Variants in DPYD observed in about 807,000 individuals in gnomAD.
DPYD encodes the protein dihydropyrimidine dehydrogenase, also known as dihydropyrimidine dehydrogenase [NADP(+)].
A neutral mutation model predicts 116.2 loss-of-function variants in DPYD; 109 were observed. That is an observed-to-expected ratio of 0.94 (90% CI 0.80 to 1.10). The LOEUF (loss-of-function observed/expected upper bound fraction) is 1.10, where lower values mean the gene tolerates loss of function less well. Ranked by LOEUF, DPYD falls within the 50% of genes least tolerant of loss-of-function variation. The pLI is 0.00. For missense variants in DPYD, 1,302 were observed against 1,254.5 expected (o/e 1.04, Z -0.57); for synonymous variants, 440 against 432.0 (o/e 1.02, Z -0.23).
Position 97,234,921 on chromosome 1 carries a change from C to T in DPYD, c.2373G>A (p.Leu791=). 1 of 1,613,956 alleles carries T rather than the reference C, an allele frequency of 6.2e-7. No homozygotes were observed. Among genetic ancestry groups the T allele is most frequent in the Non-Finnish European group, 8.5e-7 (1 of 1,179,980 alleles). The part of the protein sequence containing the change: ...IARALPGFPI[L]ATGGIDSAES... Reference sequence around the variant, plus strand: ...CAGCAGAGTCAATTCCACCAGTAGCCAAAATGGGAAATCCAGGCAGAGCAC... The same window carrying T: ...CAGCAGAGTCAATTCCACCAGTAGCTAAAATGGGAAATCCAGGCAGAGCAC... Residue 791 remains leucine (L), a synonymous_variant, in exon 19 of 23, where the codon TTG becomes TTA. Coordinates refer to ENST00000370192, the MANE Select transcript of DPYD (RefSeq NM_000110.4).
intron 16 of DPYD, among the ~76,000 whole-genome samples, chr1:97,339,002 A>T (rs548586736): frequency 6.6e-6 from 1 of 152,280 alleles, no homozygotes; most frequent in East Asian, 1.9e-4. Flanking sequence ...ACAATTAGAA[A>T]ATAAAAATAA....
intron 13 of DPYD, among the ~76,000 whole-genome samples, chr1:97,475,891 C>G (rs1251371379): frequency 6.6e-6 from 1 of 152,136 alleles, no homozygotes; most frequent in Admixed American, 6.5e-5. Flanking sequence ...AAATCAGAGT[C>G]CTGCTGAGGT....
intron 7 of DPYD, among the ~76,000 whole-genome samples, chr1:97,680,018 A>C (rs543646559): frequency 6.6e-6 from 1 of 152,174 alleles, no homozygotes; most frequent in Admixed American, 6.5e-5. Context: ...ACTTGGAAAC[A>C]TAAGAGTGGG....
At chr1:97,549,876 A>G in intron 11 of DPYD, 132 bp from the exon 12 acceptor site, 2 of 854,680 alleles carry the variant, frequency 2.3e-6, no homozygotes, top group African/African-American at 1.7e-5. Context: ...TTAGTAAACT[A>G]TAAAAATGAA....
intron 16 of DPYD, among the ~76,000 whole-genome samples, chr1:97,309,118 T>A (rs1418329863): frequency 6.6e-6 from 1 of 151,886 alleles, no homozygotes; most frequent in Non-Finnish European, 1.5e-5. Flanking sequence ...TCCAAAAGCA[T>A]GAAATGTAGG....
At chr1:97,261,386 A>G (rs1178482091) in intron 18 of DPYD, among the ~76,000 whole-genome samples, 1 of 151,912 alleles carries the variant, frequency 6.6e-6, no homozygotes, top group Non-Finnish European at 1.5e-5. Flanking sequence ...AAATTAATGT[A>G]GAGATCCAAC....
At chr1:97,750,889 C>G (rs1664841755) in intron 3 of DPYD, among the ~76,000 whole-genome samples, 1 of 152,068 alleles carries the variant, frequency 6.6e-6, no homozygotes, top group Non-Finnish European at 1.5e-5. Flanking sequence ...CCTGGCAACT[C>G]TCTAGCATAT....
At chr1:97,193,890 C>A (rs1231913933) in intron 19 of DPYD, among the ~76,000 whole-genome samples, 1 of 152,250 alleles carries the variant, frequency 6.6e-6, no homozygotes, top group East Asian at 1.9e-4. Context: ...GGCTAACTAC[C>A]AACCATTCCT....
intron 12 of DPYD, among the ~76,000 whole-genome samples, chr1:97,538,270 A>C (rs1650167785): frequency 6.6e-6 from 1 of 152,080 alleles, no homozygotes; most frequent in Non-Finnish European, 1.5e-5. Context: ...TTCAAACCAA[A>C]ACCACAGCTA....
chr1:97,462,554 T>C (rs556324350), intron 13 of DPYD, among the ~76,000 whole-genome samples: 50 of 152,268 alleles, frequency 3.3e-4, no homozygotes, highest in African/African-American at 1.1e-3. Context: ...ACCCTCCTCC[T>C]TTTGAAATTC....
intron 8 of DPYD, among the ~76,000 whole-genome samples, chr1:97,643,204 C>G (rs978820031): frequency 1.3e-5 from 2 of 152,004 alleles, no homozygotes; most frequent in African/African-American, 4.8e-5. Context: ...GGGCTAATAT[C>G]CAGAAACTAC....
intron 20 of DPYD, among the ~76,000 whole-genome samples, chr1:97,159,407 A>C (rs1412788870): frequency 4.6e-5 from 7 of 152,092 alleles, no homozygotes; most frequent in African/African-American, 1.4e-4. Flanking sequence ...CTATTAAAAA[A>C]ATTAAAAGAA....
At chr1:97,148,346 A>T (rs2101712067) in intron 20 of DPYD, among the ~76,000 whole-genome samples, 1 of 152,168 alleles carries the variant, frequency 6.6e-6, no homozygotes, top group East Asian at 1.9e-4. Flanking sequence ...ACTATAGAGA[A>T]AACATCCACA....
At position 97,191,253 on chromosome 1, in the gene DPYD, C is replaced by A. The variant is rs116371849; in HGVS notation, c.2622+1816G>T. ...AAAAAAAAGAACGATTAGGAAATCACCTGTACCCTAGATCCAGAGTACTTT... is the reference window on the plus strand; with the variant it reads ...AAAAAAAAGAACGATTAGGAAATCAACTGTACCCTAGATCCAGAGTACTTT... On this transcript the variant is annotated intron_variant, in intron 20 of 22. Coordinates refer to ENST00000370192, the MANE Select transcript of DPYD (RefSeq NM_000110.4). Among the ~76,000 whole-genome samples, 152 of 151,964 alleles carry A rather than the reference C, an allele frequency of 1.0e-3. 1 individual carries two copies. Among genetic ancestry groups the A allele is most frequent in the African/African-American group, 3.4e-3 (142 of 41,462 alleles).
At chr1:97,831,339 C>A (rs940965129) in intron 2 of DPYD, among the ~76,000 whole-genome samples, 1 of 152,166 alleles carries the variant, frequency 6.6e-6, no homozygotes, top group Non-Finnish European at 1.5e-5. Flanking sequence ...TTCACTGTCA[C>A]GTTTACCACC....
intron 18 of DPYD, among the ~76,000 whole-genome samples, chr1:97,281,972 T>C (rs1307137472): frequency 6.6e-6 from 1 of 152,136 alleles, no homozygotes; most frequent in East Asian, 1.9e-4. Context: ...TTTAAGAGTT[T>C]TTGCACATAA....
At chr1:97,495,444 T>C (rs893550340) in intron 13 of DPYD, among the ~76,000 whole-genome samples, 2 of 152,180 alleles carry the variant, frequency 1.3e-5, no homozygotes, top group African/African-American at 4.8e-5. Flanking sequence ...TAAATCATTC[T>C]GTTTTTCAAC....
chr1:97,795,832 T>C (rs780841013), intron 3 of DPYD, among the ~76,000 whole-genome samples: 1 of 151,952 alleles, frequency 6.6e-6, no homozygotes. Context: ...AACATCTCAT[T>C]TTGTTGTGCC....
At position 97,740,437 on chromosome 1, in the gene DPYD, T is replaced by A; in HGVS notation, c.276A>T (p.Pro92=). ...TGAATGATTTAATATCAAGATTAGT[T>A]GGACAGCTCTTCTGACACGGGGCAT... The part of the protein sequence containing the change: ...CADAPCQKSC[P]TNLDIKSFIT... The change falls in exon 4 of 23, where the codon CCA becomes CCT. Residue 92 remains proline, a synonymous_variant. Transcript: ENST00000370192. The A allele has an allele frequency of 6.2e-7, 1 of 1,613,284 alleles. No homozygotes were observed. Among genetic ancestry groups the A allele is most frequent in the South Asian group, 1.1e-5 (1 of 91,078 alleles).
Sources: gnomAD v4.1 joint callset for allele counts (sites outside exome capture counted in the v4.1 genomes callset) on GRCh38, gnomAD v4.1.1 for gene constraint, MANE v1.5 for transcripts, NCBI Gene and HGNC (gene_info 2026-07-23, HGNC 2026-07-21) for gene names.